CTNNA2: variants seen among roughly 807,000 people sequenced by gnomAD.
CTNNA2 encodes catenin alpha-2.
A neutral mutation model predicts 101.0 loss-of-function variants in CTNNA2; 42 were observed. The observed-to-expected ratio is 0.42, with a 90% CI of 0.32 to 0.54. CTNNA2 has a LOEUF of 0.54. Among genes scored for constraint, CTNNA2 ranks in the 20% least tolerant of loss-of-function variants. The pLI, the probability that CTNNA2 is intolerant of heterozygous loss-of-function variation, is 0.14. For missense variants in CTNNA2, 871 were observed against 1,223.1 expected, an observed-to-expected ratio of 0.71 and a Z score of 4.29; for synonymous variants, 450 against 456.4, an observed-to-expected ratio of 0.99 and a Z score of 0.18.
At chr2:79,905,953 C>G (rs182737588) in intron 6 of CTNNA2, among the ~76,000 whole-genome samples, 1 of 152,040 alleles carries the variant, frequency 6.6e-6, no homozygotes, top group Non-Finnish European at 1.5e-5. Flanking sequence ...ATAGATACAG[C>G]CTTTTCCTCT....
chr2:80,044,839 C>A (rs1486007029), intron 7 of CTNNA2, among the ~76,000 whole-genome samples: 1 of 151,998 alleles, frequency 6.6e-6, no homozygotes, highest in Non-Finnish European at 1.5e-5. Context: ...TGAATGAGAT[C>A]AGTGATCTTT....
chr2:79,837,770 C>T (rs945911137), intron 3 of CTNNA2, among the ~76,000 whole-genome samples: 1 of 151,586 alleles, frequency 6.6e-6, no homozygotes, highest in Admixed American at 6.6e-5. Context: ...AAAAAATCAA[C>T]AGTTGGAAAT....
chr2:79,722,006 C>T (rs1456736282), intron 2 of CTNNA2, among the ~76,000 whole-genome samples: 1 of 152,072 alleles, frequency 6.6e-6, no homozygotes, highest in Non-Finnish European at 1.5e-5. Context: ...TAATATTTCT[C>T]AATATTTTAC....
intron 3 of CTNNA2, among the ~76,000 whole-genome samples, chr2:79,753,145 A>C (rs1392419781): frequency 6.6e-6 from 1 of 151,456 alleles, no homozygotes; most frequent in African/African-American, 2.4e-5. Context: ...GTACATTTTT[A>C]AGGGATTTAA....
chr2:80,571,388 TAAG>T (rs1396280295), intron 12 of CTNNA2, among the ~76,000 whole-genome samples: 1 of 152,222 alleles, frequency 6.6e-6, no homozygotes. Flanking sequence ...CCCAGTTCTA[TAAG>T]AAGTACAACC....
At chr2:79,218,338 TGTGTGTGTGTGTA>T (rs1324076720) in intron 2 of CTNNA2, among the ~76,000 whole-genome samples, 7 of 81,360 alleles carry the variant, frequency 8.6e-5, no homozygotes, top group African/African-American at 2.3e-4. Context: ...TGTGTGTGTG[TGTGTGTGTGTGTA>T]TTTTTTTTTT....
intron 8 of CTNNA2, among the ~76,000 whole-genome samples, chr2:80,405,357 T>C (rs1341293458): frequency 1.3e-5 from 2 of 152,200 alleles, no homozygotes; most frequent in African/African-American, 4.8e-5. Flanking sequence ...TAGAAAACCC[T>C]AGTGGGTTGA....
At chr2:80,629,311 A>G (rs1672031430) in intron 18 of CTNNA2, among the ~76,000 whole-genome samples, 1 of 152,124 alleles carries the variant, frequency 6.6e-6, no homozygotes, top group Admixed American at 6.6e-5. Flanking sequence ...GGAATCACCG[A>G]CAGAGAGGGG....
At chr2:80,448,113 C>A (rs1358006051) in intron 9 of CTNNA2, among the ~76,000 whole-genome samples, 1 of 152,180 alleles carries the variant, frequency 6.6e-6, no homozygotes, top group Non-Finnish European at 1.5e-5. Context: ...GCTTTAATAA[C>A]ACCTTTCCAG....
At chr2:80,018,722 A>G (rs7566611) in intron 7 of CTNNA2, among the ~76,000 whole-genome samples, 2,266 of 150,798 alleles carry the variant, frequency 0.015, 55 homozygotes, top group African/African-American at 0.052. Flanking sequence ...CAGAGGTTGC[A>G]GTGAGCTAAG....
chr2:79,698,914 A>G (rs1684814514), intron 2 of CTNNA2, among the ~76,000 whole-genome samples: 1 of 152,122 alleles, frequency 6.6e-6, no homozygotes, highest in Non-Finnish European at 1.5e-5. Flanking sequence ...GTCTTCTACT[A>G]GCCTGTCACG....
rs1209814473 is a variant in CTNNA2, at chr2:79,943,808, A to C, written c.1056+34011A>C. ...ATAGCCTTTGCCACAAGGCATGGGAAGATCCTAAACAGTGTCCAAAAATTA... is the reference window on the plus strand; with the variant it reads ...ATAGCCTTTGCCACAAGGCATGGGACGATCCTAAACAGTGTCCAAAAATTA... On this transcript the variant is annotated intron_variant, in intron 7 of 18. Coordinates refer to ENST00000402739, the MANE Select transcript of CTNNA2 (RefSeq NM_001282597.3). Among the ~76,000 whole-genome samples, 3 of 152,256 alleles carry C rather than the reference A, an allele frequency of 2.0e-5. No individual in the cohort carries two copies. The East Asian group carries it at 5.8e-4, about 29-fold the overall frequency.
chr2:80,604,111 A>G lies in CTNNA2; in HGVS notation c.2227A>G (p.Asn743Asp). 1 of 1,613,168 alleles carries G rather than the reference A, an allele frequency of 6.2e-7. No individual in the cohort carries two copies. The highest frequency in any genetic ancestry group is 8.5e-7 in the Non-Finnish European group (1 of 1,179,448). The change falls in exon 16 of 19, where the codon AAT becomes GAT. Residue 743 changes from asparagine to aspartate, a missense_variant. Coordinates refer to ENST00000402739, the MANE Select transcript of CTNNA2 (RefSeq NM_001282597.3). Reference protein sequence around the residue: ...GPLKNTSDVINAAKKIAEAGS... With the variant: ...GPLKNTSDVIDAAKKIAEAGS... Reference sequence around the variant, plus strand: ...ATTGAAAAATACATCTGATGTCATTAATGCTGCCAAGAAAATTGCCGAAGC... The same window carrying G: ...ATTGAAAAATACATCTGATGTCATTGATGCTGCCAAGAAAATTGCCGAAGC...
At chr2:79,844,752 A>C (rs1680071863) in intron 3 of CTNNA2, among the ~76,000 whole-genome samples, 1 of 152,138 alleles carries the variant, frequency 6.6e-6, no homozygotes, top group Admixed American at 6.6e-5. Flanking sequence ...CTATTGATGC[A>C]GGCTTGCTCA....
intron 9 of CTNNA2, among the ~76,000 whole-genome samples, chr2:80,485,622 A>C (rs762936837): frequency 1.3e-5 from 2 of 152,228 alleles, no homozygotes; most frequent in Non-Finnish European, 2.9e-5. Context: ...GAATGGAAGC[A>C]AGGTTTTAAC....
At chr2:79,287,668 A>C (rs1343970864) in intron 2 of CTNNA2, among the ~76,000 whole-genome samples, 7 of 151,934 alleles carry the variant, frequency 4.6e-5, no homozygotes, top group Non-Finnish European at 1.0e-4. Flanking sequence ...AGACAGGGAC[A>C]TTTAAGTCTG....
chr2:80,519,678 G>A (rs1016230155), intron 9 of CTNNA2, among the ~76,000 whole-genome samples: 7 of 152,112 alleles, frequency 4.6e-5, no homozygotes, highest in Admixed American at 2.6e-4. Flanking sequence ...TTATTCAAAG[G>A]CTGACTTTTC....
At chr2:80,096,406 G>C (rs1324506288) in intron 7 of CTNNA2, among the ~76,000 whole-genome samples, 1 of 152,136 alleles carries the variant, frequency 6.6e-6, no homozygotes, top group Non-Finnish European at 1.5e-5. Context: ...CATTTGCTGA[G>C]GAGTGCTTTA....
At chr2:80,062,116 G>C (rs1033208291) in intron 7 of CTNNA2, among the ~76,000 whole-genome samples, 1 of 152,216 alleles carries the variant, frequency 6.6e-6, no homozygotes, top group African/African-American at 2.4e-5. Flanking sequence ...ATAAGCATCA[G>C]TTTGGGTTCA....
Sources: allele counts gnomAD v4.1 joint callset (sites outside exome capture counted in the v4.1 genomes callset), GRCh38; gene constraint gnomAD v4.1.1; transcripts MANE v1.5; gene names NCBI Gene and HGNC (gene_info 2026-07-23, HGNC 2026-07-21).